Variants in SH3D19 observed in about 807,000 individuals in gnomAD.
The protein encoded by SH3D19 is SH3 domain containing 19, also known as SH3 domain-containing protein 19.
Under a neutral mutation model 112.1 loss-of-function variants are expected in SH3D19, and 58 were observed. The observed-to-expected ratio is 0.52, with a 90% CI of 0.42 to 0.64. SH3D19 has a LOEUF of 0.64. Among genes scored for constraint, SH3D19 ranks in the 30% least tolerant of loss-of-function variants. The probability of loss-of-function intolerance (pLI) is 0.00; values close to 1 mark genes in which losing one functional copy is unlikely to be tolerated. For synonymous variants in SH3D19, 391 were observed against 448.5 expected (o/e 0.87, Z 1.62); for missense variants, 1,090 against 1,263.4 (o/e 0.86, Z 2.08).
intron 2 of SH3D19, among the ~76,000 whole-genome samples, chr4:151,218,119 G>GT (rs1767428996): frequency 6.6e-6 from 1 of 152,104 alleles, no homozygotes; most frequent in Admixed American, 6.6e-5. Flanking sequence ...ATTAAAACAT[G>GT]TTTTCACGTG....
intron 1 of SH3D19, among the ~76,000 whole-genome samples, chr4:151,242,094 G>A (rs1770602282): frequency 6.6e-6 from 1 of 151,970 alleles, no homozygotes; most frequent in South Asian, 2.1e-4. Context: ...AAGAGGCTGA[G>A]GCAGGAGAAT....
chr4:151,173,830 A>G (rs981858193), intron 7 of SH3D19, among the ~76,000 whole-genome samples: 6 of 152,248 alleles, frequency 3.9e-5, no homozygotes, highest in South Asian at 2.1e-4. Context: ...TGAAAATTCT[A>G]TTAAGTTTAT....
intron 1 of SH3D19, among the ~76,000 whole-genome samples, chr4:151,314,970 C>G (rs1049680871): frequency 3.9e-5 from 6 of 152,204 alleles, no homozygotes; most frequent in African/African-American, 1.4e-4. Context: ...CCTGGCAACC[C>G]CATTCAACAA....
chr4:151,249,024 T>G (rs890267701), intron 1 of SH3D19, among the ~76,000 whole-genome samples: 3 of 152,168 alleles, frequency 2.0e-5, no homozygotes, highest in African/African-American at 7.2e-5. Context: ...CTCAAAAACA[T>G]TTAAGTGCAT....
intron 1 of SH3D19, among the ~76,000 whole-genome samples, chr4:151,320,167 C>T (rs1391735135): frequency 6.6e-6 from 1 of 152,180 alleles, no homozygotes; most frequent in Admixed American, 6.5e-5. Flanking sequence ...CAACAGACAA[C>T]AGTTATATCA....
chr4:151,319,742 C>T (rs1730352783), intron 1 of SH3D19, among the ~76,000 whole-genome samples: 2 of 152,188 alleles, frequency 1.3e-5, no homozygotes, highest in African/African-American at 2.4e-5. Context: ...TCTTCCCTCT[C>T]AGTTTGTTGT....
At chr4:151,196,033 G>A (rs1434819251) in intron 2 of SH3D19, among the ~76,000 whole-genome samples, 14 of 151,922 alleles carry the variant, frequency 9.2e-5, no homozygotes, top group African/African-American at 3.1e-4. Flanking sequence ...CCTTATGAAC[G>A]TTTGGGGAAA....
intron 1 of SH3D19, among the ~76,000 whole-genome samples, chr4:151,251,856 AT>A (rs1163326173): frequency 1.3e-5 from 2 of 152,158 alleles, no homozygotes; most frequent in South Asian, 2.1e-4. Context: ...TTCTTAGTTC[AT>A]TCATCTCCCT....
chr4:151,181,972 A>AC (rs1258221594), intron 3 of SH3D19, among the ~76,000 whole-genome samples: 2 of 150,978 alleles, frequency 1.3e-5, no homozygotes, highest in African/African-American at 4.9e-5. Flanking sequence ...CAGTTGAAAA[A>AC]CCCGCTTGTA....
chr4:151,227,974 G>A, intron 1 of SH3D19: 2 of 985,412 alleles, frequency 2.0e-6, no homozygotes, highest in Non-Finnish European at 2.4e-6. Context: ...CTGATTGGCA[G>A]ATGTGCTATG....
chr4:151,211,074 C>G (rs1765895096), intron 2 of SH3D19, among the ~76,000 whole-genome samples: 2 of 152,170 alleles, frequency 1.3e-5, no homozygotes, highest in South Asian at 4.2e-4. Context: ...ACCTGACTAT[C>G]TTGTAAAAAT....
At chr4:151,294,799 A>G (rs1435261433) in intron 1 of SH3D19, among the ~76,000 whole-genome samples, 9 of 152,238 alleles carry the variant, frequency 5.9e-5, no homozygotes, top group Non-Finnish European at 1.0e-4. Flanking sequence ...TTCATATTAT[A>G]ATAATGTCAT....
At chr4:151,152,913 G>A (rs1214366246) in intron 9 of SH3D19, among the ~76,000 whole-genome samples, 5 of 150,484 alleles carry the variant, frequency 3.3e-5, no homozygotes, top group African/African-American at 1.2e-4. Context: ...TTGGCTCACT[G>A]CAACCTCCGC....
rs569619061 is a variant in SH3D19, at chr4:151,135,619, G to A, written c.2428-487C>T. Reference sequence around the variant, plus strand: ...ATTTTTGTATTTTTAGTAGAGACAGGGTTTCACCATTGTTGCCTGGGCTGG... The same window carrying A: ...ATTTTTGTATTTTTAGTAGAGACAGAGTTTCACCATTGTTGCCTGGGCTGG... On this transcript the variant is annotated intron_variant, in intron 14 of 19. Transcript: ENST00000604030. Among the ~76,000 whole-genome samples, 468 of 151,740 alleles carry A rather than the reference G, an allele frequency of 3.1e-3. 3 individuals are homozygous for A. Among genetic ancestry groups the A allele is most frequent in the Middle Eastern group, 0.017 (5 of 292 alleles).
chr4:151,184,430 G>A (rs1304162089), intron 3 of SH3D19, among the ~76,000 whole-genome samples: 3 of 152,160 alleles, frequency 2.0e-5, no homozygotes, highest in Non-Finnish European at 4.4e-5. Flanking sequence ...ATCATGAAAG[G>A]ATCTGTTTGG....
Position 151,144,049 on chromosome 4 carries a change from C to G in SH3D19, c.2084G>C (p.Arg695Pro), listed in dbSNP as rs75521643. 2 of 1,613,368 alleles carry G rather than the reference C, an allele frequency of 1.2e-6. No homozygotes were observed. The highest frequency in any genetic ancestry group is 1.7e-6 in the Non-Finnish European group (2 of 1,179,758). ...CTTCAGCATCACAAGTACATCCCCA[C>G]GCTGCAAGGTACAATACCACTCTCT... ...PGHPLYSKYM[R>P]GDVLVMLKQT... The change falls in exon 12 of 20, where the codon CGT becomes CCT. Residue 695 changes from arginine to proline, a missense_variant and splice_region_variant. Arg to Pro is a moderately radical substitution (Grantham distance 103). Coordinates refer to ENST00000604030, the MANE Select transcript of SH3D19 (RefSeq NM_001378122.1).
chr4:151,192,543 T>C (rs1762820313), intron 2 of SH3D19, among the ~76,000 whole-genome samples: 1 of 152,244 alleles, frequency 6.6e-6, no homozygotes, highest in Non-Finnish European at 1.5e-5. Flanking sequence ...AACCTATAGT[T>C]ATTATAACCC....
At chr4:151,192,935 T>C (rs1231987538) in intron 2 of SH3D19, among the ~76,000 whole-genome samples, 2 of 152,154 alleles carry the variant, frequency 1.3e-5, no homozygotes, top group African/African-American at 4.8e-5. Context: ...AATCAGAATA[T>C]GTTGCCTTGT....
At chr4:151,302,578 G>A (rs557761108) in intron 1 of SH3D19, among the ~76,000 whole-genome samples, 17 of 152,230 alleles carry the variant, frequency 1.1e-4, no homozygotes, top group African/African-American at 2.2e-4. Flanking sequence ...TGCAGACCAC[G>A]TGGACTTTGT....
Sources: allele counts gnomAD v4.1 joint callset (sites outside exome capture counted in the v4.1 genomes callset), GRCh38; gene constraint gnomAD v4.1.1; transcripts MANE v1.5; gene names NCBI Gene and HGNC (gene_info 2026-07-23, HGNC 2026-07-21).